KIF26B: variants seen among roughly 807,000 people sequenced by gnomAD.
KIF26B encodes kinesin-like protein KIF26B.
KIF26B carries 63 observed loss-of-function variants against 151.2 expected under a neutral mutation model. The observed-to-expected ratio is 0.42, with a 90% CI of 0.34 to 0.51. KIF26B has a LOEUF of 0.51. Ranked by LOEUF, KIF26B falls within the 20% of genes least tolerant of loss-of-function variation. The probability of loss-of-function intolerance (pLI) is 0.07; values close to 1 mark genes in which losing one functional copy is unlikely to be tolerated. For synonymous variants in KIF26B, 1,357 were observed against 1,262.1 expected (o/e 1.08, Z -1.59); for missense variants, 2,813 against 2,913.6 (o/e 0.97, Z 0.79).
At chr1:245,497,888 CAT>C (rs1660543804) in intron 4 of KIF26B, among the ~76,000 whole-genome samples, 2 of 152,310 alleles carry the variant, frequency 1.3e-5, no homozygotes, top group South Asian at 4.1e-4. Flanking sequence ...GGATTACAGG[CAT>C]GTGCCACCAC....
At chr1:245,610,333 C>A (rs1462093012) in intron 8 of KIF26B, among the ~76,000 whole-genome samples, 2 of 152,122 alleles carry the variant, frequency 1.3e-5, no homozygotes, top group African/African-American at 4.8e-5. Flanking sequence ...ACCTCAGATC[C>A]CTCCATTTCC....
intron 5 of KIF26B, among the ~76,000 whole-genome samples, chr1:245,549,717 G>T (rs1661831662): frequency 6.6e-6 from 1 of 152,100 alleles, no homozygotes; most frequent in South Asian, 2.1e-4. Flanking sequence ...GAAAATATTT[G>T]AATCCCTTTC....
intron 2 of KIF26B, among the ~76,000 whole-genome samples, chr1:245,317,014 C>T (rs1222317256): frequency 5.3e-5 from 8 of 152,034 alleles, no homozygotes. Context: ...TGGTGATATA[C>T]GATTTCAACA....
At chr1:245,172,292 C>T (rs1313549127) in intron 2 of KIF26B, among the ~76,000 whole-genome samples, 1 of 152,134 alleles carries the variant, frequency 6.6e-6, no homozygotes, top group Non-Finnish European at 1.5e-5. Flanking sequence ...TGGCTCCGGG[C>T]TGCTGGAACA....
intron 4 of KIF26B, among the ~76,000 whole-genome samples, chr1:245,474,110 C>CTTTTTTTTT (rs35748378): frequency 9.0e-6 from 1 of 111,250 alleles, no homozygotes; most frequent in Non-Finnish European, 1.9e-5. Flanking sequence ...ACAGTAGGTC[C>CTTTTTTTTT]TTTTTTTTTT....
chr1:245,289,378 G>A (rs963923043), intron 2 of KIF26B, among the ~76,000 whole-genome samples: 2 of 152,052 alleles, frequency 1.3e-5, no homozygotes, highest in South Asian at 2.1e-4. Flanking sequence ...TGTGATTTTC[G>A]ACTCGGCAAG....
At position 245,465,882 on chromosome 1, in the gene KIF26B, C is replaced by T. The variant is rs187685471; in HGVS notation, c.1166+46137C>T. The stretch of plus-strand genomic sequence containing the variant: ...GGACAAGTGCCCTGTCCTCTCCCAT[C>T]TCCTTCTGCGCTCTCCAAGGGCTGA... On this transcript the variant is annotated intron_variant, in intron 4 of 14. Transcript: ENST00000407071. 5.6e-3 allele frequency among the ~76,000 whole-genome samples: 851 copies of T among 152,296 alleles called. 3 individuals carry two copies. Among genetic ancestry groups the T allele is most frequent in the Non-Finnish European group, 8.6e-3 (585 of 68,020 alleles).
At chr1:245,326,418 G>A (rs955887483) in intron 2 of KIF26B, among the ~76,000 whole-genome samples, 4 of 152,276 alleles carry the variant, frequency 2.6e-5, no homozygotes, top group African/African-American at 7.2e-5. Flanking sequence ...GAGGGAAGTG[G>A]CTTTATTTCT....
Position 245,686,364 on chromosome 1 carries a change from C to T in KIF26B, c.3381C>T (p.Pro1127=), listed in dbSNP as rs2044519934. 1.2e-6 allele frequency: 2 copies of T among 1,613,384 alleles called. No homozygotes were observed. The highest frequency in any genetic ancestry group is 1.7e-6 in the Non-Finnish European group (2 of 1,179,892). ...ESLLQPEVRT[P]PVGMSPQVLK... ...TGCTGCAGCCCGAGGTGCGTACGCC[C>T]CCGGTTGGAATGAGCCCCCAGGTTT... The change falls in exon 12 of 15, where the codon CCC becomes CCT. Residue 1127 remains proline (P), a synonymous_variant. Coordinates refer to ENST00000407071, the MANE Select transcript of KIF26B (RefSeq NM_018012.4). The surrounding 1 kb of genome is among the most constrained non-coding windows in gnomAD (Gnocchi z 5.6).
chr1:245,651,012 C>T (rs1238801626), intron 10 of KIF26B, among the ~76,000 whole-genome samples: 2 of 152,204 alleles, frequency 1.3e-5, no homozygotes, highest in African/African-American at 4.8e-5. Context: ...TCGCCTCCTC[C>T]TCTCTCTGGT....
intron 3 of KIF26B, among the ~76,000 whole-genome samples, chr1:245,401,694 C>G (rs2103027258): frequency 6.6e-6 from 1 of 152,204 alleles, no homozygotes; most frequent in African/African-American, 2.4e-5. Flanking sequence ...CATGGTGAAA[C>G]CCCATCTCTA....
chr1:245,164,106 T>C (rs994190104), intron 2 of KIF26B, among the ~76,000 whole-genome samples: 3 of 152,228 alleles, frequency 2.0e-5, no homozygotes, highest in African/African-American at 4.8e-5. Context: ...GTCTATATTT[T>C]TTAAAGTTAA....
chr1:245,598,381 T>C (rs1166540597), intron 5 of KIF26B, among the ~76,000 whole-genome samples: 3 of 152,166 alleles, frequency 2.0e-5, no homozygotes, highest in African/African-American at 7.2e-5. Flanking sequence ...CTTCCAGTGG[T>C]CACATTTGCC....
At chr1:245,596,923 A>G (rs940588399) in intron 5 of KIF26B, among the ~76,000 whole-genome samples, 1 of 152,102 alleles carries the variant, frequency 6.6e-6, no homozygotes, top group South Asian at 2.1e-4. Flanking sequence ...TTGTTGGTTT[A>G]AAGTCTGTTT....
chr1:245,440,605 G>A (rs1223663350), intron 4 of KIF26B, among the ~76,000 whole-genome samples: 2 of 152,170 alleles, frequency 1.3e-5, no homozygotes, highest in East Asian at 1.9e-4. Context: ...ACTCCATAGA[G>A]GGTCACAGCC....
At position 245,476,526 on chromosome 1, in the gene KIF26B, A is replaced by AC. The variant is rs1347542953; in HGVS notation, c.1166+56781_1166+56782insC. 4.0e-4 allele frequency among the ~76,000 whole-genome samples: 48 copies of AC among 119,630 alleles called. 1 individual carries two copies. The highest frequency in any genetic ancestry group is 1.4e-3 in the African/African-American group (45 of 32,724). 78.5% of individuals were successfully genotyped at this position (119,630 alleles called of 152,430 possible). ...TATTTATTTATTTATTTATTTATTT[A>AC]TTTACTTACTTACTTACTTACTTAC... On this transcript the variant is annotated intron_variant, in intron 4 of 14. Coordinates refer to ENST00000407071, the MANE Select transcript of KIF26B (RefSeq NM_018012.4).
At chr1:245,534,572 G>T (rs750405027) in intron 4 of KIF26B, among the ~76,000 whole-genome samples, 3 of 152,148 alleles carry the variant, frequency 2.0e-5, no homozygotes, top group Non-Finnish European at 4.4e-5. Flanking sequence ...GATGTTTAAA[G>T]ATGTATGCTG....
Position 245,156,305 on chromosome 1 carries a change from C to T in KIF26B, c.87C>T (p.Thr29=). 6.5e-7 allele frequency: 1 copy of T among 1,547,520 alleles called. No homozygotes were observed. Residue 29 remains threonine, a synonymous_variant, in exon 2 of 15, where the codon ACC becomes ACT. Coordinates refer to ENST00000407071, the MANE Select transcript of KIF26B (RefSeq NM_018012.4). ...KYGVNEVCSP[T]KPAAPFSPES... ...AGGTGAATGAAGTCTGCTCGCCCAC[C>T]AAGCCCGCAGCGCCCTTCTCCCCGG... is the stretch of plus-strand genomic sequence containing the variant.
intron 2 of KIF26B, among the ~76,000 whole-genome samples, chr1:245,335,991 C>T (rs552058967): frequency 1.6e-5 from 2 of 122,870 alleles, no homozygotes; most frequent in African/African-American, 7.3e-5. Context: ...GAGGGTCCCA[C>T]GCAGGGAAAG....
Sources: gnomAD v4.1 joint callset for allele counts (sites outside exome capture counted in the v4.1 genomes callset) on GRCh38, gnomAD v4.1.1 for gene constraint, Gnocchi (gnomAD v3.1) non-coding constraint, MANE v1.5 for transcripts, NCBI Gene and HGNC (gene_info 2026-07-23, HGNC 2026-07-21) for gene names.